Variants in NRXN3 observed in about 807,000 individuals in gnomAD.
The protein encoded by NRXN3 is neurexin III.
In NRXN3, 32 loss-of-function variants were observed where a neutral mutation model predicts 137.6. The observed-to-expected ratio is 0.23, with a 90% CI of 0.18 to 0.31. The LOEUF is 0.31. Ranked by LOEUF, NRXN3 falls within the 10% of genes least tolerant of loss-of-function variation. The pLI, the probability that NRXN3 is intolerant of heterozygous loss-of-function variation, is 1.00. For missense variants in NRXN3, 1,574 were observed against 2,062.5 expected (o/e 0.76, Z 4.59); for synonymous variants, 798 against 784.5 (o/e 1.02, Z -0.29).
intron 19 of NRXN3, among the ~76,000 whole-genome samples, chr14:79,726,238 A>C (rs534279396): frequency 3.9e-5 from 6 of 152,198 alleles, no homozygotes; most frequent in Non-Finnish European, 8.8e-5. Context: ...GGGCTCTAGC[A>C]AGGATTTGCT....
rs1366615377 is a variant in NRXN3 at position 79,433,836 on chromosome 14, G to A, written c.3263-33385G>A. 2.6e-5 allele frequency among the ~76,000 whole-genome samples: 4 copies of A among 152,280 alleles called. No individual in the cohort carries two copies. In the East Asian group the frequency reaches 7.7e-4, roughly 29 times the overall value. ...CAACACAGCTCTTGCCTATTTAGAA[G>A]CCTTTAACTGTGTGTTTAATTATCA... On this transcript the variant is annotated intron_variant, in intron 15 of 20. Coordinates refer to ENST00000335750, the MANE Select transcript of NRXN3 (RefSeq NM_001330195.2).
chr14:79,238,795 A>G (rs1324310200), intron 15 of NRXN3, among the ~76,000 whole-genome samples: 2 of 152,086 alleles, frequency 1.3e-5, no homozygotes, highest in African/African-American at 4.8e-5. Context: ...TTTATGTGTA[A>G]TTTGGAGAAC....
At chr14:78,966,720 TTGAG>T (rs2099418058) in intron 12 of NRXN3, among the ~76,000 whole-genome samples, 1 of 152,234 alleles carries the variant, frequency 6.6e-6, no homozygotes, top group Non-Finnish European at 1.5e-5. Flanking sequence ...CATCTAATTC[TTGAG>T]TATTACTAAC....
Position 79,132,998 on chromosome 14 carries a change from A to T in NRXN3, c.3262+144857A>T, listed in dbSNP as rs2057756317. Among the ~76,000 whole-genome samples the T allele has an allele frequency of 2.0e-5, 3 of 152,222 alleles. No homozygotes were observed. The South Asian group carries it at 6.2e-4, about 32-fold the overall frequency. ...TCTGGGAAGAGCATGATCTTAGGCA[A>T]GATGGTGCTCTGTGTCTGAGGCCAA... On this transcript the variant is annotated intron_variant, in intron 15 of 20. Transcript: ENST00000335750.
intron 19 of NRXN3, among the ~76,000 whole-genome samples, chr14:79,764,171 G>C (rs1027535416): frequency 4.7e-5 from 7 of 147,786 alleles, no homozygotes; most frequent in Non-Finnish European, 8.9e-5. Context: ...TGGGTGGGGG[G>C]GGTGTTAAGA....
At chr14:78,343,284 C>T (rs1311982845) in intron 4 of NRXN3, among the ~76,000 whole-genome samples, 1 of 152,164 alleles carries the variant, frequency 6.6e-6, no homozygotes, top group Non-Finnish European at 1.5e-5. Context: ...TATGGAATAT[C>T]ATAATCTCAC....
At chr14:78,848,165 T>G (rs1267361641) in intron 10 of NRXN3, among the ~76,000 whole-genome samples, 1 of 152,102 alleles carries the variant, frequency 6.6e-6, no homozygotes, top group Non-Finnish European at 1.5e-5. Context: ...TGCTAGTTTA[T>G]CCTCCCTTCA....
intron 15 of NRXN3, among the ~76,000 whole-genome samples, chr14:79,135,581 C>G (rs973657973): frequency 2.6e-5 from 4 of 152,104 alleles, no homozygotes; most frequent in African/African-American, 9.7e-5. Flanking sequence ...AGAGGGGTTT[C>G]TTGACAATCC....
At chr14:79,501,867 G>A (rs560845407) in intron 16 of NRXN3, among the ~76,000 whole-genome samples, 7 of 152,108 alleles carry the variant, frequency 4.6e-5, no homozygotes, top group African/African-American at 1.7e-4. Context: ...GACAGAGGTG[G>A]GGCTTCCCCT....
intron 19 of NRXN3, among the ~76,000 whole-genome samples, chr14:79,758,440 T>G (rs977568122): frequency 4.6e-5 from 7 of 151,988 alleles, no homozygotes; most frequent in Admixed American, 1.3e-4. Context: ...GTTCAGGCAG[T>G]TTTTAACAAT....
At chr14:78,510,796 G>T (rs2096089638) in intron 4 of NRXN3, among the ~76,000 whole-genome samples, 2 of 152,144 alleles carry the variant, frequency 1.3e-5, no homozygotes, top group Admixed American at 1.3e-4. Context: ...AGAAGAGGCT[G>T]TAAAGGCCAA....
chr14:78,901,644 C>T (rs1302602850), intron 10 of NRXN3, among the ~76,000 whole-genome samples: 2 of 151,896 alleles, frequency 1.3e-5, no homozygotes, highest in East Asian at 3.9e-4. Flanking sequence ...CCTCACATGC[C>T]AAACAAATTA....
Position 78,346,981 on chromosome 14 carries a change from C to T in NRXN3, c.757+49121C>T, listed in dbSNP as rs567680401. 7.2e-5 allele frequency among the ~76,000 whole-genome samples: 11 copies of T among 152,072 alleles called. No homozygotes were observed. The South Asian group carries it at 8.3e-4, about 11-fold the overall frequency. On this transcript the variant is annotated intron_variant, in intron 4 of 20. Transcript: ENST00000335750. ...GGATGGTGTGGGAGACTGCATGGGG[C>T]GTGAGTAGTAATGTGATAGAGGGTG...
chr14:78,403,627 GC>G (rs2092272401), intron 4 of NRXN3: 1 of 731,962 alleles, frequency 1.4e-6, no homozygotes, highest in African/African-American at 1.9e-5. Context: ...TGCCGGTGCT[GC>G]ACTAAGATTT....
At chr14:79,542,639 T>A (rs1253849271) in intron 16 of NRXN3, among the ~76,000 whole-genome samples, 1 of 152,170 alleles carries the variant, frequency 6.6e-6, no homozygotes, top group Non-Finnish European at 1.5e-5. Flanking sequence ...CTTTTTAAGC[T>A]TTCTCCCTCC....
At chr14:79,754,511 T>C (rs1427542495) in intron 19 of NRXN3, among the ~76,000 whole-genome samples, 1 of 532 alleles carries the variant, frequency 1.9e-3, no homozygotes, top group African/African-American at 0.011. Context: ...TTGATATATA[T>C]ATATATATAT....
chr14:79,740,768 A>AAC (rs1372778267), intron 19 of NRXN3, among the ~76,000 whole-genome samples: 5 of 107,252 alleles, frequency 4.7e-5, no homozygotes, highest in African/African-American at 1.5e-4. Context: ...ATATATATAT[A>AAC]ACCTTACTTC....
At chr14:79,353,179 T>G (rs1318012296) in intron 15 of NRXN3, among the ~76,000 whole-genome samples, 1 of 151,934 alleles carries the variant, frequency 6.6e-6, no homozygotes, top group African/African-American at 2.4e-5. Context: ...TTCTGAAAAT[T>G]CATTCAATAT....
intron 15 of NRXN3, among the ~76,000 whole-genome samples, chr14:79,187,801 A>C (rs1334815631): frequency 1.3e-5 from 2 of 152,210 alleles, no homozygotes; most frequent in Non-Finnish European, 2.9e-5. Flanking sequence ...TTCTTGGATG[A>C]GACGGAAGAT....
Sources: allele counts gnomAD v4.1 joint callset (sites outside exome capture counted in the v4.1 genomes callset), GRCh38; gene constraint gnomAD v4.1.1; transcripts MANE v1.5; gene names NCBI Gene and HGNC (gene_info 2026-07-23, HGNC 2026-07-21).